Variants in CSMD1 observed in about 807,000 individuals in gnomAD.
The protein encoded by CSMD1 is CUB and sushi domain-containing protein 1.
CSMD1 carries 213 observed loss-of-function variants against 417.5 expected under a neutral mutation model. The observed-to-expected ratio is 0.51, with a 90% CI of 0.46 to 0.57. CSMD1 has a LOEUF of 0.57. Ranked by LOEUF, CSMD1 falls within the 20% of genes least tolerant of loss-of-function variation. The pLI, the probability that CSMD1 is intolerant of heterozygous loss-of-function variation, is 0.00. For missense variants in CSMD1, 6,923 were observed against 4,529.7 expected (o/e 1.53, Z -15.17); for synonymous variants, 2,862 against 1,736.8 (o/e 1.65, Z -16.11).
At chr8:4,686,557 C>A (rs988345624) in intron 1 of CSMD1, among the ~76,000 whole-genome samples, 1 of 152,232 alleles carries the variant, frequency 6.6e-6, no homozygotes, top group South Asian at 2.1e-4. Flanking sequence ...TACATCCCTG[C>A]TGATTTATAA....
chr8:4,232,137 G>C (rs1801770094), intron 3 of CSMD1, among the ~76,000 whole-genome samples: 1 of 152,108 alleles, frequency 6.6e-6, no homozygotes, highest in South Asian at 2.1e-4. Context: ...TTTACTATTA[G>C]TTTCCTTTTC....
intron 11 of CSMD1, among the ~76,000 whole-genome samples, chr8:3,487,215 T>C (rs974136402): frequency 2.7e-5 from 3 of 110,218 alleles, no homozygotes; most frequent in African/African-American, 1.1e-4. Flanking sequence ...ATTTATTTAG[T>C]TTTTGAGACA....
intron 4 of CSMD1, among the ~76,000 whole-genome samples, chr8:4,015,995 C>T (rs1796505188): frequency 6.6e-6 from 1 of 152,194 alleles, no homozygotes; most frequent in South Asian, 2.1e-4. Flanking sequence ...CAAGTCAGAG[C>T]TGGCCTTATC....
intron 37 of CSMD1, among the ~76,000 whole-genome samples, chr8:3,167,785 A>T (rs1190655740): frequency 6.6e-6 from 1 of 152,238 alleles, no homozygotes; most frequent in East Asian, 1.9e-4. Context: ...GAGCATTAAG[A>T]ATCAGAATAT....
intron 5 of CSMD1, among the ~76,000 whole-genome samples, chr8:3,982,680 G>C (rs535498124): frequency 6.6e-6 from 1 of 152,034 alleles, no homozygotes; most frequent in South Asian, 2.1e-4. Context: ...CCAGGGTGGC[G>C]GACCGGAAGC....
At chr8:4,595,850 C>G (rs1397325644) in intron 2 of CSMD1, among the ~76,000 whole-genome samples, 3 of 152,196 alleles carry the variant, frequency 2.0e-5, no homozygotes, top group African/African-American at 7.2e-5. Context: ...ACTGACACGT[C>G]TACATGGATC....
chr8:3,567,687 G>A lies in CSMD1; in HGVS notation c.1344+7258C>T, dbSNP rs550562211. ...TATTCCCAAGCAATGCAACTGTACAGAAAGACTGGTTATTTCCCCTCTCTG... is the reference window on the plus strand; with the variant it reads ...TATTCCCAAGCAATGCAACTGTACAAAAAGACTGGTTATTTCCCCTCTCTG... On this transcript the variant is annotated intron_variant, in intron 10 of 69. Transcript: ENST00000635120. Among the ~76,000 whole-genome samples, 3 of 152,238 alleles carry A rather than the reference G, an allele frequency of 2.0e-5. No homozygotes were observed. In the East Asian group the frequency reaches 5.8e-4, roughly 30 times the overall value.
At chr8:3,950,560 C>CAGTACAAG (rs1295140097) in intron 5 of CSMD1, among the ~76,000 whole-genome samples, 2 of 152,242 alleles carry the variant, frequency 1.3e-5, no homozygotes. Flanking sequence ...TACAAGCGTT[C>CAGTACAAG]CGCTTGCCCA....
At chr8:3,814,825 G>A (rs1236418918) in intron 5 of CSMD1, among the ~76,000 whole-genome samples, 1 of 152,056 alleles carries the variant, frequency 6.6e-6, no homozygotes. Flanking sequence ...GCCAACTCCA[G>A]TACCATGAAG....
intron 26 of CSMD1, among the ~76,000 whole-genome samples, chr8:3,235,816 A>G (rs945918920): frequency 2.0e-5 from 3 of 152,122 alleles, no homozygotes; most frequent in Admixed American, 6.6e-5. Flanking sequence ...GCAGCATGCA[A>G]TTAAAAGTTT....
rs531429294 is a variant in CSMD1 at position 3,284,665 on chromosome 8, C to T, written c.3951-319G>A. 4.0e-4 allele frequency: 116 copies of T among 289,742 alleles called. 1 individual carries two copies. The highest frequency in any genetic ancestry group is 2.2e-3 in the African/African-American group (102 of 46,262). 17.9% of individuals were successfully genotyped at this position (289,742 alleles called of 1,614,324 possible). ...ATCTCTGTATAATTTAAGCTTTCTA[C>T]GGCACACAAACCAAATATAAGCTTG... On this transcript the variant is annotated intron_variant, in intron 25 of 69. Coordinates refer to ENST00000635120, the MANE Select transcript of CSMD1 (RefSeq NM_033225.6).
intron 3 of CSMD1, among the ~76,000 whole-genome samples, chr8:4,314,763 A>T (rs898707782): frequency 2.0e-5 from 3 of 152,196 alleles, no homozygotes; most frequent in Admixed American, 6.5e-5. Context: ...CATGTCTTCT[A>T]ATGATTTATC....
At chr8:3,841,648 T>C (rs1803141073) in intron 5 of CSMD1, among the ~76,000 whole-genome samples, 1 of 151,732 alleles carries the variant, frequency 6.6e-6, no homozygotes, top group Admixed American at 6.6e-5. Flanking sequence ...TTTTTAGAGG[T>C]TCAAATAAAA....
At chr8:3,686,902 G>A (rs564566277) in intron 7 of CSMD1, among the ~76,000 whole-genome samples, 1 of 152,302 alleles carries the variant, frequency 6.6e-6, no homozygotes, top group East Asian at 1.9e-4. Flanking sequence ...TTCTTGGGCC[G>A]TAAGAGGACA....
chr8:4,528,279 C>G (rs759999574), intron 2 of CSMD1, among the ~76,000 whole-genome samples: 7 of 152,126 alleles, frequency 4.6e-5, no homozygotes, highest in Non-Finnish European at 7.3e-5. Context: ...TAATCCCTAC[C>G]TCTCTAGAGA....
intron 4 of CSMD1, among the ~76,000 whole-genome samples, chr8:4,019,365 A>G (rs1014994619): frequency 1.3e-5 from 2 of 152,102 alleles, no homozygotes; most frequent in East Asian, 3.9e-4. Flanking sequence ...GTCTGTTCCC[A>G]TACATCTCCG....
rs554032676 is a variant in CSMD1 at position 3,003,821 on chromosome 8, C to T, written c.8030-3690G>A. On this transcript the variant is annotated intron_variant, in intron 52 of 69. Coordinates refer to ENST00000635120, the MANE Select transcript of CSMD1 (RefSeq NM_033225.6). ...GTCTGAAGGATGAGCGCTTGTTAGCCAGGAAAAGGTGATGGCAAGACATTC... is the reference window on the plus strand; with the variant it reads ...GTCTGAAGGATGAGCGCTTGTTAGCTAGGAAAAGGTGATGGCAAGACATTC... 9.2e-5 allele frequency among the ~76,000 whole-genome samples: 14 copies of T among 152,158 alleles called. No homozygotes were observed. The South Asian group carries it at 1.9e-3, about 20-fold the overall frequency.
intron 5 of CSMD1, among the ~76,000 whole-genome samples, chr8:3,881,592 G>T (rs57649208): frequency 1.5e-5 from 2 of 134,026 alleles, no homozygotes; most frequent in Non-Finnish European, 1.5e-5. Flanking sequence ...CTGGGTGACA[G>T]AGCAAGACTC....
chr8:3,053,247 G>A (rs949524844), intron 49 of CSMD1, among the ~76,000 whole-genome samples: 2 of 152,306 alleles, frequency 1.3e-5, no homozygotes, highest in East Asian at 1.9e-4. Flanking sequence ...GCCGCAGTCT[G>A]ACATATTTTA....
Sources: allele counts gnomAD v4.1 joint callset (sites outside exome capture counted in the v4.1 genomes callset), GRCh38; gene constraint gnomAD v4.1.1; transcripts MANE v1.5; gene names NCBI Gene and HGNC (gene_info 2026-07-23, HGNC 2026-07-21).